Variants in CRIM1 observed in about 807,000 individuals in gnomAD.
CRIM1 encodes cysteine-rich motor neuron 1 protein.
CRIM1 carries 32 observed loss-of-function variants against 116.4 expected under a neutral mutation model. The observed-to-expected ratio is 0.27, with a 90% CI of 0.21 to 0.37. The LOEUF (loss-of-function observed/expected upper bound fraction) is 0.37, where lower values mean the gene tolerates loss of function less well. CRIM1 is among the 10% of genes least tolerant of loss of function. CRIM1 has a pLI of 1.00. For synonymous variants in CRIM1, 590 were observed against 509.2 expected (o/e 1.16, Z -2.13); for missense variants, 1,331 against 1,354.8 (o/e 0.98, Z 0.28).
chr2:36,394,906 A>G (rs538919115), intron 1 of CRIM1, among the ~76,000 whole-genome samples: 2 of 151,458 alleles, frequency 1.3e-5, no homozygotes, highest in East Asian at 3.9e-4. Context: ...AAAATTATTT[A>G]TTTCAGTCAG....
chr2:36,441,011 C>T (rs1675776346), intron 2 of CRIM1, among the ~76,000 whole-genome samples: 1 of 152,152 alleles, frequency 6.6e-6, no homozygotes, highest in African/African-American at 2.4e-5. Context: ...TCCAGATGTT[C>T]ATTGTTTAAC....
chr2:36,534,158 A>G, intron 13 of CRIM1, among the ~76,000 whole-genome samples: 1 of 109,510 alleles, frequency 9.1e-6, no homozygotes, highest in Non-Finnish European at 1.8e-5. Flanking sequence ...AGGAAGGGGG[A>G]AGAAGGAAGG....
At chr2:36,529,256 A>T in intron 13 of CRIM1, 1 of 469,188 alleles carries the variant, frequency 2.1e-6, no homozygotes, top group South Asian at 1.6e-5. Context: ...CTGCTGGCAG[A>T]GTCTTCTTAA....
chr2:36,418,557 C>T (rs1572688306), intron 2 of CRIM1, among the ~76,000 whole-genome samples: 1 of 152,066 alleles, frequency 6.6e-6, no homozygotes, highest in Non-Finnish European at 1.5e-5. Flanking sequence ...AAAGTGCTGG[C>T]ATTACAGGGG....
chr2:36,519,818 GGA>G (rs1438377527), intron 12 of CRIM1, among the ~76,000 whole-genome samples: 1 of 152,150 alleles, frequency 6.6e-6, no homozygotes, highest in Admixed American at 6.6e-5. Context: ...CATACAAAAG[GGA>G]GAGGGTAAAA....
intron 14 of CRIM1, among the ~76,000 whole-genome samples, chr2:36,538,746 A>G (rs988344245): frequency 1.3e-5 from 2 of 152,142 alleles, no homozygotes; most frequent in Non-Finnish European, 2.9e-5. Flanking sequence ...TTCTCTTTAT[A>G]GTTTTCCATA....
At chr2:36,499,081 G>T in intron 7 of CRIM1, 138 bp from the exon 8 acceptor site, 1 of 657,760 alleles carries the variant, frequency 1.5e-6, no homozygotes, top group East Asian at 2.8e-5. Flanking sequence ...GATATTACTG[G>T]AGCATAAAAG....
At chr2:36,380,630 G>C (rs899686985) in intron 1 of CRIM1, among the ~76,000 whole-genome samples, 1 of 152,220 alleles carries the variant, frequency 6.6e-6, no homozygotes, top group Non-Finnish European at 1.5e-5. Flanking sequence ...AGTCTGCAAA[G>C]CAAAGAAATC....
intron 7 of CRIM1, among the ~76,000 whole-genome samples, chr2:36,486,469 T>C (rs1023467100): frequency 6.6e-6 from 1 of 152,202 alleles, no homozygotes; most frequent in African/African-American, 2.4e-5. Flanking sequence ...ATTGGTCTTA[T>C]ACTCTTAATT....
chr2:36,505,781 C>G (rs1681346825), intron 8 of CRIM1, among the ~76,000 whole-genome samples: 1 of 151,378 alleles, frequency 6.6e-6, no homozygotes, highest in Non-Finnish European at 1.5e-5. Context: ...TTTAATGAAT[C>G]AGTGAGTGAT....
intron 8 of CRIM1, among the ~76,000 whole-genome samples, chr2:36,503,274 T>G (rs1043578981): frequency 6.6e-6 from 1 of 152,210 alleles, no homozygotes; most frequent in Non-Finnish European, 1.5e-5. Flanking sequence ...GTTTGAATCT[T>G]GGGTCCACCA....
chr2:36,474,173 G>A (rs1410414524), intron 5 of CRIM1, among the ~76,000 whole-genome samples: 3 of 151,930 alleles, frequency 2.0e-5, no homozygotes, highest in East Asian at 1.9e-4. Context: ...AGGTTTGCCC[G>A]TTTTGATTAG....
chr2:36,470,932 A>G (rs1678457440), intron 5 of CRIM1, among the ~76,000 whole-genome samples: 2 of 152,216 alleles, frequency 1.3e-5, no homozygotes, highest in African/African-American at 4.8e-5. Context: ...GGAAGGTGTC[A>G]GAATATTAAC....
chr2:36,508,607 C>T (rs938325654), intron 8 of CRIM1, among the ~76,000 whole-genome samples: 13 of 152,190 alleles, frequency 8.5e-5, no homozygotes, highest in African/African-American at 3.1e-4. Flanking sequence ...TTGGCCATCA[C>T]CATATTAACT....
At chr2:36,396,081 T>G (rs1375723768) in intron 1 of CRIM1, among the ~76,000 whole-genome samples, 2 of 152,070 alleles carry the variant, frequency 1.3e-5, no homozygotes, top group African/African-American at 4.8e-5. Flanking sequence ...TAATTTTTTG[T>G]TTTGTTTTTG....
chr2:36,546,500 T>C (rs1204586861), intron 15 of CRIM1, among the ~76,000 whole-genome samples: 3 of 152,156 alleles, frequency 2.0e-5, no homozygotes, highest in South Asian at 2.1e-4. Flanking sequence ...AACTTCCTGA[T>C]TGATTAGTTT....
intron 7 of CRIM1, among the ~76,000 whole-genome samples, chr2:36,497,910 CAGTGTGGACTAATGGATAG>C (rs1434876145): frequency 7.2e-5 from 11 of 152,130 alleles, no homozygotes; most frequent in African/African-American, 2.4e-4. Flanking sequence ...CTTGAGAAAA[CAGTGTGGACTAATGGATAG>C]AGTGTTGGAC....
chr2:36,470,112 TAATA>T (rs1678372958), intron 5 of CRIM1, among the ~76,000 whole-genome samples: 1 of 152,216 alleles, frequency 6.6e-6, no homozygotes, highest in African/African-American at 2.4e-5. Flanking sequence ...TCAGTATAAT[TAATA>T]AAGGGAAAAC....
intron 13 of CRIM1, among the ~76,000 whole-genome samples, 184 bp from the exon 14 acceptor site, chr2:36,537,152 TAGCCTCAGTGGCCACA>T (rs1438957104): frequency 1.3e-5 from 2 of 152,220 alleles, no homozygotes; most frequent in African/African-American, 4.8e-5. Flanking sequence ...CACCCTGTGC[TAGCCTCAGTGGCCACA>T]AGATGAGAGC....
Sources: allele counts gnomAD v4.1 joint callset (sites outside exome capture counted in the v4.1 genomes callset), GRCh38; gene constraint gnomAD v4.1.1; transcripts MANE v1.5; gene names NCBI Gene and HGNC (gene_info 2026-07-23, HGNC 2026-07-21).